Variants in CACNA1E observed in about 807,000 individuals in gnomAD.
CACNA1E encodes the protein voltage-dependent R-type calcium channel subunit alpha-1E.
Under a neutral mutation model 259.2 loss-of-function variants are expected in CACNA1E, and 40 were observed. That is an observed-to-expected ratio of 0.15 (90% CI 0.12 to 0.20). The LOEUF is 0.20. Among genes scored for constraint, CACNA1E ranks in the 10% least tolerant of loss-of-function variants. CACNA1E has a pLI of 1.00. For synonymous variants in CACNA1E, 1,104 were observed against 1,138.5 expected, an observed-to-expected ratio of 0.97 and a Z score of 0.61; for missense variants, 1,874 against 3,040.1, an observed-to-expected ratio of 0.62 and a Z score of 9.02.
chr1:181,691,329 A>T (rs773518759), intron 7 of CACNA1E, among the ~76,000 whole-genome samples: 1 of 152,006 alleles, frequency 6.6e-6, no homozygotes, highest in African/African-American at 2.4e-5. Context: ...TACATTTTAC[A>T]TACATTTTCT....
At chr1:181,484,410 C>A (rs1663593345) in intron 1 of CACNA1E, among the ~76,000 whole-genome samples, 1 of 152,172 alleles carries the variant, frequency 6.6e-6, no homozygotes, top group African/African-American at 2.4e-5. Context: ...AGCCACTCTG[C>A]CCGTATCCCC....
chr1:181,590,973 T>G (rs1390249630), intron 6 of CACNA1E, among the ~76,000 whole-genome samples: 1 of 152,246 alleles, frequency 6.6e-6, no homozygotes, highest in Non-Finnish European at 1.5e-5. Flanking sequence ...TGAATAATTC[T>G]GTTATTAAAT....
chr1:181,570,214 G>A (rs1650273559), intron 3 of CACNA1E, among the ~76,000 whole-genome samples: 1 of 151,190 alleles, frequency 6.6e-6, no homozygotes, highest in African/African-American at 2.4e-5. Context: ...AGTGGCACCA[G>A]TTTTCCCTTT....
chr1:181,626,909 A>C (rs1365305684), intron 6 of CACNA1E, among the ~76,000 whole-genome samples: 1 of 152,194 alleles, frequency 6.6e-6, no homozygotes, highest in African/African-American at 2.4e-5. Context: ...TAAATTCAGG[A>C]AAACATGCCC....
At position 181,561,542 on chromosome 1, in the gene CACNA1E, A is replaced by T. The variant is rs530836120; in HGVS notation, c.513-16224A>T. On this transcript the variant is annotated intron_variant, in intron 3 of 47. Coordinates refer to ENST00000367573, the MANE Select transcript of CACNA1E (RefSeq NM_001205293.3). ...CTAGAATGTCATAAATGGGAAGAGG[A>T]GTCTACAGCCTTTTTGGCTTCTTGC... Among the ~76,000 whole-genome samples the T allele has an allele frequency of 2.6e-5, 4 of 152,250 alleles. No homozygotes were observed. The South Asian group carries it at 8.3e-4, about 32-fold the overall frequency.
Position 181,369,898 on chromosome 1 carries a change from T to A in CACNA1E, c.-14-43235T>A, listed in dbSNP as rs541056915. On this transcript the variant is annotated intron_variant, in intron 1 of 11. Transcript: ENST00000524607. The stretch of plus-strand genomic sequence containing the variant: ...GTTTGAGGTACAGATTATTTTGTCA[T>A]CCAAGTAAATAAGCACAGAACCAAA... Among the ~76,000 whole-genome samples, 16 of 152,328 alleles carry A rather than the reference T, an allele frequency of 1.1e-4. No individual in the cohort carries two copies. In the South Asian group the frequency reaches 3.3e-3, roughly 32 times the overall value.
In CACNA1E at chr1:181,485,658, A is replaced by G. The variant is rs1264068438; in HGVS notation, c.266+1648A>G. 6.6e-6 allele frequency among the ~76,000 whole-genome samples: 1 copy of G among 152,214 alleles called. No homozygotes were observed. Among genetic ancestry groups the G allele is most frequent in the African/African-American group, 2.4e-5 (1 of 41,454 alleles). On this transcript the variant is annotated intron_variant, in intron 1 of 47. Coordinates refer to ENST00000367573, the MANE Select transcript of CACNA1E (RefSeq NM_001205293.3). This position sits in a 1 kb window ranked among gnomAD's most constrained non-coding sequence, Gnocchi z 4.2. The stretch of plus-strand genomic sequence containing the variant: ...GCAGTCACGCCTGCCGGTGCGCTGC[A>G]CAAAGCGGACAGATCTCATTGTGTT...
chr1:181,371,955 TG>T (rs1294165211), intron 1 of CACNA1E, among the ~76,000 whole-genome samples: 1 of 152,216 alleles, frequency 6.6e-6, no homozygotes, highest in East Asian at 1.9e-4. Flanking sequence ...TATCTGTTTT[TG>T]TACCAGTACC....
At chr1:181,757,860 G>T in intron 30 of CACNA1E, 87 bp from the exon 31 acceptor site, 1 of 1,434,260 alleles carries the variant, frequency 7.0e-7, no homozygotes. Context: ...CCCATTCACC[G>T]TCCTCCTCTT....
intron 2 of CACNA1E, among the ~76,000 whole-genome samples, chr1:181,448,039 G>T (rs902176652): frequency 2.0e-5 from 3 of 152,182 alleles, no homozygotes; most frequent in African/African-American, 7.2e-5. Flanking sequence ...GATAATCCAT[G>T]ATAAATCTCT....
chr1:181,385,846 CTCTT>C (rs1655805881), intron 1 of CACNA1E, among the ~76,000 whole-genome samples: 1 of 144,216 alleles, frequency 6.9e-6, no homozygotes, highest in African/African-American at 2.5e-5. Flanking sequence ...CTTTCCTCCT[CTCTT>C]TACCTTCCTT....
rs139984377 is a variant in CACNA1E at position 181,392,036 on chromosome 1, C to T, written c.-14-21097C>T. 3.1e-3 allele frequency among the ~76,000 whole-genome samples: 478 copies of T among 151,990 alleles called. 3 individuals carry two copies. The highest frequency in any genetic ancestry group is 4.4e-3 in the Admixed American group (67 of 15,258). Reference sequence around the variant, plus strand: ...GGGATTGGTGAATGAGGAAGAGCCTCTCTTGGCCTCCTGTTGAGCCTGGGA... The same window carrying T: ...GGGATTGGTGAATGAGGAAGAGCCTTTCTTGGCCTCCTGTTGAGCCTGGGA... On this transcript the variant is annotated intron_variant, in intron 1 of 11. Transcript: ENST00000524607.
rs565807999 is a variant in CACNA1E, at chr1:181,376,788, C to T, written c.-14-36345C>T. On this transcript the variant is annotated intron_variant, in intron 1 of 11. Coordinates refer to the CACNA1E transcript ENST00000524607. ...GATGGGATTTTCTGCTTCTCTTTGT[C>T]ACATTCGACTCAGTGAAGGTGAGTT... Among the ~76,000 whole-genome samples the T allele has an allele frequency of 1.8e-4, 28 of 152,248 alleles. No individual in the cohort carries two copies. In the Middle Eastern group the frequency reaches 0.01, roughly 55 times the overall value.
intron 35 of CACNA1E, among the ~76,000 whole-genome samples, chr1:181,768,349 G>T (rs1406496464): frequency 1.3e-5 from 2 of 152,172 alleles, no homozygotes; most frequent in Non-Finnish European, 2.9e-5. Flanking sequence ...GAGAGAGTGA[G>T]CATGTCCAGG....
intron 1 of CACNA1E, among the ~76,000 whole-genome samples, chr1:181,344,507 G>C (rs1412823650): frequency 6.6e-6 from 1 of 152,156 alleles, no homozygotes; most frequent in African/African-American, 2.4e-5. Flanking sequence ...CCAAGGAGGA[G>C]GCAAGGAAAG....
chr1:181,556,914 A>G (rs1233237135), intron 3 of CACNA1E, among the ~76,000 whole-genome samples: 1 of 152,222 alleles, frequency 6.6e-6, no homozygotes, highest in Non-Finnish European at 1.5e-5. Flanking sequence ...TAGAGTTCAC[A>G]CAGAATTTTT....
chr1:181,729,779 C>T (rs73043496), intron 18 of CACNA1E, among the ~76,000 whole-genome samples: 3,361 of 152,262 alleles, frequency 0.022, 110 homozygotes, highest in African/African-American at 0.073. Flanking sequence ...AATCCTTCCA[C>T]GTACGTACAC....
chr1:181,600,276 G>A (rs1653610804), intron 6 of CACNA1E, among the ~76,000 whole-genome samples: 1 of 152,244 alleles, frequency 6.6e-6, no homozygotes, highest in Admixed American at 6.5e-5. Flanking sequence ...CAGAGAGAGG[G>A]TCAGGGCCAG....
intron 1 of CACNA1E, among the ~76,000 whole-genome samples, chr1:181,330,233 T>G (rs2102593630): frequency 6.6e-6 from 1 of 152,224 alleles, no homozygotes; most frequent in Non-Finnish European, 1.5e-5. Context: ...ACCCCTGACC[T>G]ATGAAGGCAT....
Sources: gnomAD v4.1 joint callset for allele counts (sites outside exome capture counted in the v4.1 genomes callset) on GRCh38, gnomAD v4.1.1 for gene constraint, Gnocchi (gnomAD v3.1) non-coding constraint, MANE v1.5 for transcripts, NCBI Gene and HGNC (gene_info 2026-07-23, HGNC 2026-07-21) for gene names.